Variants in SS18 observed in about 807,000 individuals in gnomAD.
The protein encoded by SS18 is protein SSXT.
SS18 carries 28 observed loss-of-function variants against 72.5 expected under a neutral mutation model. The ratio of observed to expected loss-of-function variants is 0.39; its 90% CI spans 0.29 to 0.53. SS18 has a LOEUF of 0.53. Ranked by LOEUF, SS18 falls within the 20% of genes least tolerant of loss-of-function variation. SS18 has a pLI of 0.76. For synonymous variants in SS18, 172 were observed against 164.2 expected (o/e 1.05, Z -0.37); for missense variants, 518 against 535.3 (o/e 0.97, Z 0.32).
At chr18:26,038,692 A>G (rs2053668305) in intron 6 of SS18, 33 bp from the exon 7 acceptor site, 1 of 1,540,866 alleles carries the variant, frequency 6.5e-7, no homozygotes, top group African/African-American at 1.4e-5. Context: ...GATATAAATA[A>G]TGTGTTCTCT....
intron 5 of SS18, among the ~76,000 whole-genome samples, chr18:26,045,685 T>A (rs1383811409): frequency 6.6e-6 from 1 of 152,098 alleles, no homozygotes; most frequent in Non-Finnish European, 1.5e-5. Context: ...AGTGTTCACT[T>A]TGCATAGTAG....
At chr18:26,046,123 T>C (rs150157448) in intron 5 of SS18, among the ~76,000 whole-genome samples, 7,628 of 134,464 alleles carry the variant, frequency 0.057, 587 homozygotes, top group African/African-American at 0.19. Context: ...ACCTGGGAAG[T>C]GGAGGTTGCA....
At chr18:26,047,882 A>G (rs1263965803) in intron 5 of SS18, among the ~76,000 whole-genome samples, 1 of 152,212 alleles carries the variant, frequency 6.6e-6, no homozygotes, top group African/African-American at 2.4e-5. Context: ...TTAAATTCCT[A>G]CCTCTTAAAA....
intron 4 of SS18, among the ~76,000 whole-genome samples, chr18:26,054,015 G>A (rs902283427): frequency 1.3e-5 from 2 of 152,122 alleles, no homozygotes; most frequent in African/African-American, 4.8e-5. Context: ...ATCCGTAAAT[G>A]CTCATGTCCC....
At chr18:26,070,682 C>A (rs1489035936) in intron 3 of SS18, among the ~76,000 whole-genome samples, 1 of 151,872 alleles carries the variant, frequency 6.6e-6, no homozygotes, top group Admixed American at 6.6e-5. Context: ...TCCAAACACA[C>A]GAAATAGAAC....
chr18:26,022,123 A>G (rs2053361990), intron 10 of SS18, among the ~76,000 whole-genome samples: 1 of 152,102 alleles, frequency 6.6e-6, no homozygotes. Context: ...CCTTCACAAC[A>G]TTTTAGGGGT....
chr18:26,055,865 C>A (rs2054011799), intron 4 of SS18, among the ~76,000 whole-genome samples: 1 of 148,352 alleles, frequency 6.7e-6, no homozygotes, highest in East Asian at 2.0e-4. Flanking sequence ...TCAAGTGATT[C>A]TCCTGCCTCA....
chr18:26,062,276 C>T (rs1284731534), intron 3 of SS18, among the ~76,000 whole-genome samples: 4 of 151,868 alleles, frequency 2.6e-5, no homozygotes, highest in Non-Finnish European at 5.9e-5. Context: ...AAAAAGACAG[C>T]GAGATAAATG....
Position 26,020,989 on chromosome 18 carries a change from C to T in SS18, c.1231-2609G>A, listed in dbSNP as rs186832268. Among the ~76,000 whole-genome samples, 733 of 152,224 alleles carry T rather than the reference C, an allele frequency of 4.8e-3. 6 individuals are homozygous for T. Among genetic ancestry groups the T allele is most frequent in the African/African-American group, 0.017 (694 of 41,526 alleles). ...TTTGTGTCACATATTGTATTAAATGCTTTGTGTCCATCTATATATAGTAAA... is the reference window on the plus strand; with the variant it reads ...TTTGTGTCACATATTGTATTAAATGTTTTGTGTCCATCTATATATAGTAAA... On this transcript the variant is annotated intron_variant, in intron 10 of 10. Transcript: ENST00000415083.
intron 3 of SS18, among the ~76,000 whole-genome samples, chr18:26,066,492 C>T (rs2144076729): frequency 6.6e-6 from 1 of 152,106 alleles, no homozygotes; most frequent in South Asian, 2.1e-4. Context: ...TCCAGTTGCC[C>T]TTCTGAAAAC....
At chr18:26,066,824 G>A (rs551747366) in intron 3 of SS18, among the ~76,000 whole-genome samples, 3 of 152,232 alleles carry the variant, frequency 2.0e-5, no homozygotes, top group African/African-American at 7.2e-5. Flanking sequence ...TGCCCCCATA[G>A]ACAAATTATC....
At position 26,032,557 on chromosome 18, in the gene SS18, A is replaced by T. The variant is rs1233386907; in HGVS notation, c.1097-25T>A. 1.9e-6 allele frequency: 3 copies of T among 1,610,772 alleles called. No homozygotes were observed. The Admixed American group carries it at 5.0e-5, about 27-fold the overall frequency. On this transcript the variant is annotated intron_variant, in intron 9 of 10. Transcript: ENST00000415083. ...CCTGAAAATAATGTACACAACAAAA[A>T]CCCACATAAAAAGGTAAGTCCCTAG...
chr18:26,072,460 A>G (rs1245583937), intron 3 of SS18, among the ~76,000 whole-genome samples: 1 of 152,150 alleles, frequency 6.6e-6, no homozygotes, highest in African/African-American at 2.4e-5. Flanking sequence ...AAGCTTATTT[A>G]GCTATGCTAA....
chr18:26,076,277 A>G, intron 3 of SS18, among the ~76,000 whole-genome samples: 1 of 151,844 alleles, frequency 6.6e-6, no homozygotes, highest in East Asian at 1.9e-4. Context: ...CTTGGAAAAA[A>G]AAAAAAGGAA....
chr18:26,075,885 AAATT>A (rs2054402565), intron 3 of SS18, among the ~76,000 whole-genome samples: 1 of 152,000 alleles, frequency 6.6e-6, no homozygotes, highest in Admixed American at 6.5e-5. Context: ...TGTGAGATTC[AAATT>A]AATTGCATTT....
At chr18:26,042,381 G>A (rs1249977838) in intron 5 of SS18, among the ~76,000 whole-genome samples, 1 of 152,124 alleles carries the variant, frequency 6.6e-6, no homozygotes, top group African/African-American at 2.4e-5. Flanking sequence ...TAATACATAT[G>A]CAAAGACCCT....
At chr18:26,058,371 T>C (rs898184) in intron 3 of SS18, among the ~76,000 whole-genome samples, 14,159 of 152,084 alleles carry the variant, frequency 0.093, 989 homozygotes, top group African/African-American at 0.17. Flanking sequence ...ACCTTCAGAG[T>C]TCACAAAAGG....
intron 2 of SS18, among the ~76,000 whole-genome samples, chr18:26,078,820 A>G (rs9965736): frequency 0.25 from 38,791 of 152,122 alleles, 8,713 homozygotes; most frequent in African/African-American, 0.6. Context: ...CCAGGAGGCA[A>G]AGGTTGCAGT....
At chr18:26,077,892 T>C (rs1027254350) in intron 3 of SS18, among the ~76,000 whole-genome samples, 184 bp downstream of exon 3, 2 of 152,166 alleles carry the variant, frequency 1.3e-5, no homozygotes, top group African/African-American at 4.8e-5. Context: ...ACAGAATCAA[T>C]TTTAGGTGAA....
Sources: allele counts gnomAD v4.1 joint callset (sites outside exome capture counted in the v4.1 genomes callset), GRCh38; gene constraint gnomAD v4.1.1; transcripts MANE v1.5; gene names NCBI Gene and HGNC (gene_info 2026-07-23, HGNC 2026-07-21).